SHANK2: variants seen among roughly 807,000 people sequenced by gnomAD.
SHANK2 encodes the protein SH3 and multiple ankyrin repeat domains 2, also known as SH3 and multiple ankyrin repeat domains protein 2.
SHANK2 carries 43 observed loss-of-function variants against 133.7 expected under a neutral mutation model. The ratio of observed to expected loss-of-function variants is 0.32; its 90% CI spans 0.25 to 0.41. The LOEUF is 0.41. Among genes scored for constraint, SHANK2 ranks in the 10% least tolerant of loss-of-function variants. The probability of loss-of-function intolerance (pLI) is 1.00; values close to 1 mark genes in which losing one functional copy is unlikely to be tolerated. For synonymous variants in SHANK2, 1,017 were observed against 952.8 expected (o/e 1.07, Z -1.24); for missense variants, 1,994 against 2,235.8 (o/e 0.89, Z 2.18).
At chr11:70,655,750 C>T (rs1359031858) in intron 17 of SHANK2, among the ~76,000 whole-genome samples, 1 of 152,126 alleles carries the variant, frequency 6.6e-6, no homozygotes, top group Non-Finnish European at 1.5e-5. Context: ...TAACGCAGCA[C>T]CTGCTTGTGT....
chr11:70,825,168 G>A (rs1457414749), intron 11 of SHANK2, among the ~76,000 whole-genome samples: 2 of 152,164 alleles, frequency 1.3e-5, no homozygotes, highest in African/African-American at 4.8e-5. Context: ...TTCATAGCAA[G>A]TGATGGCATT....
intron 17 of SHANK2, among the ~76,000 whole-genome samples, chr11:70,505,499 G>T (rs561820649): frequency 3.3e-5 from 5 of 152,228 alleles, no homozygotes; most frequent in African/African-American, 9.6e-5. Context: ...ATCCCCAGGG[G>T]TCATCCCTTG....
intron 11 of SHANK2, among the ~76,000 whole-genome samples, chr11:70,822,225 G>A (rs1443808548): frequency 6.6e-6 from 1 of 152,272 alleles, no homozygotes; most frequent in Non-Finnish European, 1.5e-5. Flanking sequence ...CCCTTAGGCT[G>A]AAGCCACGCT....
At chr11:71,209,025 A>G (rs550602514) in intron 2 of SHANK2, among the ~76,000 whole-genome samples, 49 of 152,244 alleles carry the variant, frequency 3.2e-4, no homozygotes, top group African/African-American at 1.1e-3. Context: ...CTCGGCCCCA[A>G]TGTCAGGGGA....
chr11:70,800,506 T>C (rs1555050292), intron 13 of SHANK2, among the ~76,000 whole-genome samples: 1 of 152,242 alleles, frequency 6.6e-6, no homozygotes. Context: ...CCATAAGTGT[T>C]TTCCTCTAGC....
rs781948795 is a variant in SHANK2 at position 70,486,224 on chromosome 11, C to T, written c.4069G>A (p.Gly1357Ser). 1.3e-5 allele frequency: 21 copies of T among 1,614,024 alleles called. No individual in the cohort carries two copies. The East Asian group carries it at 4.5e-4, about 34-fold the overall frequency. The change falls in exon 25 of 26, where the codon GGT becomes AGT. Residue 1357 changes from glycine (G) to serine (S), a missense_variant. By Grantham distance (56) the Gly-to-Ser change is moderately conservative. Coordinates refer to ENST00000601538, the MANE Select transcript of SHANK2 (RefSeq NM_012309.5). The surrounding 1 kb of genome is among the most constrained non-coding windows in gnomAD (Gnocchi z 8.0). Reference protein sequence around the residue: ...EVPEGVSETEGALQISAAPEP... With the variant: ...EVPEGVSETESALQISAAPEP... ...GGGGCAGCGGAGATCTGTAAAGCAC[C>T]TTCGGTTTCGGAAACACCTTCTGGC...
chr11:70,712,779 C>G (rs1209939810), intron 14 of SHANK2, among the ~76,000 whole-genome samples: 1 of 152,200 alleles, frequency 6.6e-6, no homozygotes, highest in Non-Finnish European at 1.5e-5. Flanking sequence ...TGGTCTGCAC[C>G]ACATGCTCAG....
In SHANK2 at chr11:70,485,694, A is replaced by G. The variant is rs1555153024; in HGVS notation, c.4599T>C (p.Tyr1533=). The G allele has an allele frequency of 6.2e-7, 1 of 1,614,094 alleles. No individual in the cohort carries two copies. Among genetic ancestry groups the G allele is most frequent in the Non-Finnish European group, 8.5e-7 (1 of 1,180,030 alleles). Residue 1533 remains tyrosine, a synonymous_variant, in exon 25 of 26, where the codon TAT becomes TAC. Coordinates refer to ENST00000601538, the MANE Select transcript of SHANK2 (RefSeq NM_012309.5). This position sits in a 1 kb window ranked among gnomAD's most constrained non-coding sequence, Gnocchi z 5.8. ...CAACCATAAATGCTTGCCCATCTGC[A>G]TAGACTGTGCAGGTGTCCACATTCT... ...GGENVDTCTV[Y]ADGQAFMVDK...
upstream of SHANK2, among the ~76,000 whole-genome samples, chr11:71,252,761 G>A (rs1165164602): frequency 6.6e-6 from 1 of 151,334 alleles, no homozygotes; most frequent in Non-Finnish European, 1.5e-5. The surrounding 1 kb of genome is among the most constrained non-coding windows in gnomAD (Gnocchi z 6.3). Flanking sequence ...TGCGGCTCGG[G>A]CGTGCGCGTG....
At chr11:70,711,590 C>T (rs1400423623) in intron 14 of SHANK2, among the ~76,000 whole-genome samples, 1 of 152,238 alleles carries the variant, frequency 6.6e-6, no homozygotes, top group African/African-American at 2.4e-5. Context: ...AGCACGCCCG[C>T]CCGGCCTCCA....
At chr11:70,795,810 G>A (rs1448942662) in intron 14 of SHANK2, among the ~76,000 whole-genome samples, 1 of 152,178 alleles carries the variant, frequency 6.6e-6, no homozygotes, top group African/African-American at 2.4e-5. Flanking sequence ...CTTTGGAGAC[G>A]GAGGAAGGGG....
rs1555158226 is a variant in SHANK2, at chr11:70,500,633, G to T, written c.2288-43C>A. The T allele has an allele frequency of 6.3e-7, 1 of 1,586,242 alleles. No homozygotes were observed. The highest frequency in any genetic ancestry group is 2.3e-5 in the East Asian group (1 of 43,342). On this transcript the variant is annotated intron_variant, in intron 20 of 25. Coordinates refer to ENST00000601538, the MANE Select transcript of SHANK2 (RefSeq NM_012309.5). The surrounding 1 kb of genome is among the most constrained non-coding windows in gnomAD (Gnocchi z 4.5). ...GACCGCCATGAGCCACCAGGATGCA[G>T]CGCCCGCCCGCAGCCTACACTCGGG...
intron 14 of SHANK2, among the ~76,000 whole-genome samples, chr11:70,729,227 G>GA (rs1417025885): frequency 6.6e-6 from 1 of 151,066 alleles, no homozygotes; most frequent in Non-Finnish European, 1.5e-5. Flanking sequence ...AAAGAAGAAA[G>GA]AAAGAAATAC....
At chr11:70,550,378 G>A (rs2136078146) in intron 17 of SHANK2, among the ~76,000 whole-genome samples, 1 of 152,318 alleles carries the variant, frequency 6.6e-6, no homozygotes, top group South Asian at 2.1e-4. Context: ...CCCTGCTGGA[G>A]CCTGCTGCAT....
chr11:70,626,610 C>T (rs1018042324), intron 17 of SHANK2, among the ~76,000 whole-genome samples: 10 of 152,186 alleles, frequency 6.6e-5, no homozygotes, highest in Non-Finnish European at 1.3e-4. Context: ...CCACAACCGC[C>T]GAGTGGCAAG....
At chr11:71,227,655 TAGGAC>T (rs1358566917) in intron 1 of SHANK2, among the ~76,000 whole-genome samples, 6 of 151,998 alleles carry the variant, frequency 3.9e-5, no homozygotes, top group Non-Finnish European at 8.8e-5. Flanking sequence ...ATTGATAGAA[TAGGAC>T]AGGAAAATCA....
chr11:70,942,591 A>C (rs571265209), intron 10 of SHANK2: 2 of 456,728 alleles, frequency 4.4e-6, no homozygotes, highest in Non-Finnish European at 8.8e-6. Flanking sequence ...GCCATATCCA[A>C]ACCATAGCAC....
chr11:70,699,303 C>T (rs1555023107), intron 14 of SHANK2, among the ~76,000 whole-genome samples: 1 of 150,628 alleles, frequency 6.6e-6, no homozygotes, highest in African/African-American at 2.4e-5. Flanking sequence ...AAGTCCTCTG[C>T]TTGCTCCCCT....
chr11:70,575,165 C>T (rs1174025559), intron 17 of SHANK2, among the ~76,000 whole-genome samples: 1 of 152,148 alleles, frequency 6.6e-6, no homozygotes, highest in Non-Finnish European at 1.5e-5. Flanking sequence ...GGGGTCCAGG[C>T]CAAGCCACCC....
Sources: gnomAD v4.1 joint callset for allele counts (sites outside exome capture counted in the v4.1 genomes callset) on GRCh38, gnomAD v4.1.1 for gene constraint, Gnocchi (gnomAD v3.1) non-coding constraint, MANE v1.5 for transcripts, NCBI Gene and HGNC (gene_info 2026-07-23, HGNC 2026-07-21) for gene names.